TGM2: variants seen among roughly 807,000 people sequenced by gnomAD.
TGM2 encodes transglutaminase 2.
In TGM2, 53 loss-of-function variants were observed where a neutral mutation model predicts 75.6. The ratio of observed to expected loss-of-function variants is 0.70; its 90% CI spans 0.56 to 0.88. TGM2 has a LOEUF of 0.88. Among genes scored for constraint, TGM2 ranks in the 40% least tolerant of loss-of-function variants. The pLI, the probability that TGM2 is intolerant of heterozygous loss-of-function variation, is 0.00. For missense variants in TGM2, 842 were observed against 928.5 expected (o/e 0.91, Z 1.21); for synonymous variants, 374 against 381.1 (o/e 0.98, Z 0.22).
At position 38,138,274 on chromosome 20, in the gene TGM2, A is replaced by G. The variant is rs1040411772; in HGVS notation, c.1454T>C (p.Met485Thr). Residue 485 changes from methionine to threonine, a missense_variant, in exon 10 of 13, where the codon ATG (methionine) becomes ACG (threonine). Physicochemically the swap from Met to Thr is moderately conservative, Grantham distance 81 (BLOSUM62 -1). Coordinates refer to ENST00000361475, the MANE Select transcript of TGM2 (RefSeq NM_004613.4). ...MRIRVGQSMNMGSDFDVFAHI... is the reference protein window; with the variant it reads ...MRIRVGQSMNTGSDFDVFAHI... ...GGCAAAGACGTCAAAGTCACTGCCC[A>G]TGTTCATGCTCTGGCCCACACGGAT... The G allele has an allele frequency of 1.2e-6, 2 of 1,614,148 alleles. No individual in the cohort carries two copies. Among genetic ancestry groups the G allele is most frequent in the South Asian group, 1.1e-5 (1 of 91,080 alleles).
At chr20:38,162,546 C>T (rs1440610144) in intron 1 of TGM2, among the ~76,000 whole-genome samples, 1 of 152,092 alleles carries the variant, frequency 6.6e-6, no homozygotes, top group Non-Finnish European at 1.5e-5. Context: ...GAAGAGAGAA[C>T]CTATAAAGAG....
At chr20:38,149,015 G>A (rs1179301793) in intron 4 of TGM2, among the ~76,000 whole-genome samples, 5 of 152,154 alleles carry the variant, frequency 3.3e-5, no homozygotes, top group Non-Finnish European at 5.9e-5. Context: ...TCGGCCTAAT[G>A]TTCAGGGCTG....
chr20:38,128,884 CTTG>C lies in TGM2; in HGVS notation c.*1332_*1334del, dbSNP rs1024635090. The C allele has an allele frequency of 6.6e-6, 1 of 152,296 alleles. No homozygotes were observed. The highest frequency in any genetic ancestry group is 1.5e-5 in the Non-Finnish European group (1 of 68,106). 9.4% of individuals were successfully genotyped at this position (152,296 alleles called of 1,614,324 possible). ...AAGAAGGGGTAGCTGGGGTGCCAAC[CTTG>C]TTGGTTAGTGACCAGCACTGGCAGC... On this transcript the variant is annotated 3_prime_UTR_variant, in exon 13 of 13. Transcript: ENST00000361475.
intron 11 of TGM2, 103 bp from the exon 12 acceptor site, chr20:38,131,332 C>G: frequency 6.5e-7 from 1 of 1,530,782 alleles, no homozygotes; most frequent in Non-Finnish European, 8.9e-7. Context: ...AAAGCTGTAC[C>G]CAGGTCTGCC....
chr20:38,148,826 T>C (rs13040190), intron 4 of TGM2, among the ~76,000 whole-genome samples: 14,387 of 152,200 alleles, frequency 0.095, 750 homozygotes, highest in Admixed American at 0.14. Context: ...GCCATTCAAA[T>C]GTCATCTTTC....
chr20:38,143,862 C>G (rs920675300), intron 6 of TGM2, among the ~76,000 whole-genome samples: 1 of 152,172 alleles, frequency 6.6e-6, no homozygotes, highest in African/African-American at 2.4e-5. Flanking sequence ...GGGCCACCAT[C>G]GATAGGCCAG....
upstream of TGM2, chr20:38,165,274 G>C: frequency 6.2e-7 from 1 of 1,604,168 alleles, no homozygotes; most frequent in Non-Finnish European, 8.5e-7. Context: ...TGGCACTGCC[G>C]AGGCGGAGAG....
intron 4 of TGM2, among the ~76,000 whole-genome samples, chr20:38,148,604 C>T (rs1036541590): frequency 6.6e-6 from 1 of 152,188 alleles, no homozygotes; most frequent in Non-Finnish European, 1.5e-5. Flanking sequence ...TCTTCTGTTT[C>T]AACCGTATCC....
intron 2 of TGM2, among the ~76,000 whole-genome samples, chr20:38,158,915 C>A (rs2075220437): frequency 6.6e-6 from 1 of 152,192 alleles, no homozygotes; most frequent in Non-Finnish European, 1.5e-5. Flanking sequence ...GTCCCTCAGG[C>A]TTCTCCGGGC....
At chr20:38,165,671 AACACACACACACACAC>A (rs71833660), upstream of TGM2, among the ~76,000 whole-genome samples, 2 of 143,226 alleles carry the variant, frequency 1.4e-5, no homozygotes, top group African/African-American at 2.6e-5. Context: ...CCCCACCCCC[AACACACACACACACAC>A]ACACACACAC....
intron 5 of TGM2, 129 bp from the exon 6 acceptor site, chr20:38,147,023 G>T: frequency 1.0e-6 from 1 of 956,086 alleles, no homozygotes; most frequent in Non-Finnish European, 1.6e-6. Flanking sequence ...AAGAGCAGGT[G>T]CAAAGGGGCC....
At chr20:38,155,574 G>A (rs185550340) in intron 3 of TGM2, among the ~76,000 whole-genome samples, 1 of 152,000 alleles carries the variant, frequency 6.6e-6, no homozygotes, top group Non-Finnish European at 1.5e-5. Context: ...TTAACTCCTG[G>A]CTCGCTCAAG....
In TGM2 at chr20:38,138,536, G is replaced by A. The variant is rs2074930019; in HGVS notation, c.1343-151C>T. The A allele has an allele frequency of 6.2e-6, 9 of 1,445,548 alleles. No homozygotes were observed. The East Asian group carries it at 1.6e-4, about 26-fold the overall frequency. 89.5% of individuals were successfully genotyped at this position (1,445,548 alleles called of 1,614,324 possible). ...TACATTTCTGGGCCAGAAGGACACA[G>A]CATTTCATTAATTTTCCACTAGTGA... On this transcript the variant is annotated intron_variant, in intron 9 of 12. Coordinates refer to ENST00000361475, the MANE Select transcript of TGM2 (RefSeq NM_004613.4).
Position 38,149,678 on chromosome 20 carries a change from C to CAAAAAAAAAAAAAAAAAAAAAAAAA in TGM2, c.552+1260_552+1261insTTTTTTTTTTTTTTTTTTTTTTTTT, listed in dbSNP as rs1199376180. Among the ~76,000 whole-genome samples the CAAAAAAAAAAAAAAAAAAAAAAAAA allele has an allele frequency of 2.0e-3, 80 of 40,424 alleles. 2 individuals carry two copies. Among genetic ancestry groups the CAAAAAAAAAAAAAAAAAAAAAAAAA allele is most frequent in the Non-Finnish European group, 2.9e-3 (58 of 20,236 alleles). 26.5% of individuals were successfully genotyped at this position (40,424 alleles called of 152,430 possible). ...TGGGCAACAGAGCGAGACTCCGCCT[C>CAAAAAAAAAAAAAAAAAAAAAAAAA]AAAAAAAAAAAAAAAAAAAAAAACA... On this transcript the variant is annotated intron_variant, in intron 4 of 12. Coordinates refer to ENST00000361475, the MANE Select transcript of TGM2 (RefSeq NM_004613.4).
In TGM2 at chr20:38,130,276, C is replaced by T. The variant is rs998313794; in HGVS notation, c.2007G>A (p.Glu669=). Residue 669 remains glutamate, a synonymous_variant, in exon 13 of 13, where the codon GAG becomes GAA. Transcript: ENST00000361475. The part of the protein sequence containing the change: ...MGLHKLVVNF[E]SDKLKAVKGF... The stretch of plus-strand genomic sequence containing the variant: ...CCTTCACAGCCTTCAGCTTGTCGCT[C>T]TCGAAGTTCACCACCAGCTTGTGGA... 7.4e-6 allele frequency: 12 copies of T among 1,613,046 alleles called. No individual in the cohort carries two copies. Among genetic ancestry groups the T allele is most frequent in the African/African-American group, 1.3e-5 (1 of 74,928 alleles).
chr20:38,145,571 T>A (rs1177888920), intron 6 of TGM2: 1 of 152,026 alleles, frequency 6.6e-6, no homozygotes, highest in Admixed American at 6.6e-5. Flanking sequence ...CACGCTCAGC[T>A]ACCTCACACA....
chr20:38,138,329 C>T lies in TGM2; in HGVS notation c.1399G>A (p.Glu467Lys), dbSNP rs754225495. ...TRANHLNKLA[E>K]KEETGMAMRI... ...ATGGCCATCCCTGTCTCCTCCTTCT[C>T]GGCCAGTTTGTTCAGGTGGTTCGCC... The change falls in exon 10 of 13, where the codon GAG (glutamate) becomes AAG (lysine). Residue 467 changes from glutamate (E) to lysine (K), a missense_variant. Glu to Lys is a moderately conservative substitution (Grantham distance 56). Transcript: ENST00000361475. 7.4e-6 allele frequency: 12 copies of T among 1,614,060 alleles called. No individual in the cohort carries two copies. The highest frequency in any genetic ancestry group is 2.2e-5 in the East Asian group (1 of 44,902).
At chr20:38,152,767 G>A (rs2075128863) in intron 3 of TGM2, among the ~76,000 whole-genome samples, 1 of 152,220 alleles carries the variant, frequency 6.6e-6, no homozygotes, top group Admixed American at 6.5e-5. Context: ...TCCTGCCTCT[G>A]CATCACCAGC....
At chr20:38,165,781 A>T (rs1385946057), upstream of TGM2, among the ~76,000 whole-genome samples, 1 of 152,024 alleles carries the variant, frequency 6.6e-6, no homozygotes, top group Non-Finnish European at 1.5e-5. Flanking sequence ...GTGGAGATAC[A>T]CACACAAACA....
Sources: allele counts gnomAD v4.1 joint callset (sites outside exome capture counted in the v4.1 genomes callset), GRCh38; gene constraint gnomAD v4.1.1; transcripts MANE v1.5; gene names NCBI Gene and HGNC (gene_info 2026-07-23, HGNC 2026-07-21).